HYPK: variants seen among roughly 807,000 people sequenced by gnomAD.
HYPK encodes huntingtin-interacting protein K.
Under a neutral mutation model 13.9 loss-of-function variants are expected in HYPK, and 9 were observed. The ratio of observed to expected loss-of-function variants is 0.65; its 90% confidence interval spans 0.39 to 1.13. HYPK has a LOEUF of 1.13. Ranked by LOEUF, HYPK falls within the 50% of genes most tolerant of loss-of-function variation. The probability of loss-of-function intolerance (pLI) is 0.01; values close to 1 mark genes in which losing one functional copy is unlikely to be tolerated. For missense variants in HYPK, 138 were observed against 157.6 expected, an observed-to-expected ratio of 0.88 and a Z score of 0.67; for synonymous variants, 76 against 57.0, an observed-to-expected ratio of 1.33 and a Z score of -1.50.
chr15:43,800,886 G>C (rs2087304825), intron 1 of HYPK, 102 bp downstream of exon 1: 1 of 1,151,606 alleles, frequency 8.7e-7, no homozygotes, highest in Non-Finnish European at 1.2e-6. Context: ...TGATCCCGTT[G>C]GCAGGAGGAG....
chr15:43,800,994 A>G lies in HYPK; in HGVS notation c.163-138A>G, dbSNP rs139935144. On this transcript the variant is annotated intron_variant, in intron 1 of 3. Transcript: ENST00000442995. ...CTTAAGGGGACCTCAGGTGCATAGA[A>G]TGGAATTAAACATAGTCCTTGCTAC... The G allele has an allele frequency of 1.6e-4, 142 of 883,266 alleles. No individual in the cohort carries two copies. The African/African-American group carries it at 2.3e-3, about 14-fold the overall frequency. 54.7% of individuals were successfully genotyped at this position (883,266 alleles called of 1,614,324 possible). A position where few individuals can be genotyped will look rare whatever the true frequency, so the allele number is the denominator to read the frequency against.
At position 43,801,139 on chromosome 15, in the gene HYPK, CTG is replaced by C. The variant is rs1399500990; in HGVS notation, c.173_174del (p.Val58AspfsTer35). 6.2e-7 allele frequency: 1 copy of C among 1,613,770 alleles called. No individual in the cohort carries two copies. The highest frequency in any genetic ancestry group is 2.2e-5 in the East Asian group (1 of 44,890). ...GACCTGCCTTTCCCATAGGCCATGT[CTG>C]TGATTGGAGACAGAAGGTCCCGGGA... On this transcript the variant is annotated frameshift_variant, in exon 2 of 4. Transcript: ENST00000442995. LOFTEE classifies it high-confidence loss of function.
Position 43,801,879 on chromosome 15 carries a change from A to G in HYPK, c.*73A>G. The G allele has an allele frequency of 8.0e-7, 1 of 1,255,822 alleles. No individual in the cohort carries two copies. Among genetic ancestry groups the G allele is most frequent in the Non-Finnish European group, 1.2e-6 (1 of 861,476 alleles). 77.8% of individuals were successfully genotyped at this position (1,255,822 alleles called of 1,614,324 possible). On this transcript the variant is annotated 3_prime_UTR_variant, in exon 4 of 4. Coordinates refer to ENST00000442995, the MANE Select transcript of HYPK (RefSeq NM_016400.4). Reference sequence around the variant, plus strand: ...ATTTTTTTTTGTCTTTTTCAGTTTTATCATCTTGGGTCAAGTAGAGTGTAT... The same window carrying G: ...ATTTTTTTTTGTCTTTTTCAGTTTTGTCATCTTGGGTCAAGTAGAGTGTAT...
rs939761992 is a variant in HYPK at position 43,802,410 on chromosome 15, A to T, written c.*604A>T. On this transcript the variant is annotated 3_prime_UTR_variant, in exon 4 of 4. Coordinates refer to ENST00000442995, the MANE Select transcript of HYPK (RefSeq NM_016400.4). Reference sequence around the variant, plus strand: ...GAAACCCCGTCTCCACTGAAAATAGAAAAATTAGCTGGGCATGGTGGTGGG... The same window carrying T: ...GAAACCCCGTCTCCACTGAAAATAGTAAAATTAGCTGGGCATGGTGGTGGG... 6.6e-6 allele frequency: 1 copy of T among 152,270 alleles called. No homozygotes were observed. Among genetic ancestry groups the T allele is most frequent in the African/African-American group, 2.4e-5 (1 of 41,210 alleles). 9.4% of individuals were successfully genotyped at this position (152,270 alleles called of 1,614,324 possible).
rs1248779161 is a variant in HYPK, at chr15:43,803,257, T to C, written c.*1451T>C. Among the ~76,000 whole-genome samples, 1 of 148,480 alleles carries C rather than the reference T, an allele frequency of 6.7e-6. No individual in the cohort carries two copies. The highest frequency in any genetic ancestry group is 1.5e-5 in the Non-Finnish European group (1 of 67,344). On this transcript the variant is annotated 3_prime_UTR_variant, in exon 4 of 4. Transcript: ENST00000442995. ...TAAAAAAAAAAAAAGCCAGGCATGG[T>C]GGCATGTGCCTGTCTGTGGTCCCAG...
Position 43,803,503 on chromosome 15 carries a change from A to G in HYPK, c.*1697A>G, listed in dbSNP as rs2087340284. Among the ~76,000 whole-genome samples, 1 of 152,066 alleles carries G rather than the reference A, an allele frequency of 6.6e-6. No individual in the cohort carries two copies. The highest frequency in any genetic ancestry group is 2.4e-5 in the African/African-American group (1 of 41,410). On this transcript the variant is annotated 3_prime_UTR_variant, in exon 4 of 4. Coordinates refer to ENST00000442995, the MANE Select transcript of HYPK (RefSeq NM_016400.4). ...GAAGGTAATTTTACTTTAAAGGTTA[A>G]TCAGGGCCGGGCGTGGTGGCGCATG...
At chr15:43,800,994 A>C in intron 1 of HYPK, 138 bp from the exon 2 acceptor site, 9 of 883,266 alleles carry the variant, frequency 1.0e-5, no homozygotes, top group Non-Finnish European at 1.7e-5. Flanking sequence ...GGTGCATAGA[A>C]TGGAATTAAA....
At position 43,803,735 on chromosome 15, in the gene HYPK, C is replaced by G. The variant is rs1297048209; in HGVS notation, c.*1929C>G. ...CTTGAACCCAGGAGGTTGCAGTGAG[C>G]AGAGATCGCGCCACTGCACTCCAGA... On this transcript the variant is annotated 3_prime_UTR_variant, in exon 4 of 4. Coordinates refer to ENST00000442995, the MANE Select transcript of HYPK (RefSeq NM_016400.4). Among the ~76,000 whole-genome samples, 1 of 143,642 alleles carries G rather than the reference C, an allele frequency of 7.0e-6. No individual in the cohort carries two copies. Among genetic ancestry groups the G allele is most frequent in the African/African-American group, 2.6e-5 (1 of 38,196 alleles). 94.2% of individuals were successfully genotyped at this position (143,642 alleles called of 152,430 possible).
chr15:43,803,788 CAAAAAAA>C lies in HYPK; in HGVS notation c.*1996_*2002del, dbSNP rs35814039. On this transcript the variant is annotated 3_prime_UTR_variant, in exon 4 of 4. Transcript: ENST00000442995. ...GGGCAACAAGAGTGAAACTCCATCT[CAAAAAAA>C]AAAAAAAAAAAAATCAGCTTGGACC... is the stretch of plus-strand genomic sequence containing the variant. Among the ~76,000 whole-genome samples the C allele has an allele frequency of 9.8e-6, 1 of 102,382 alleles. No homozygotes were observed. Among genetic ancestry groups the C allele is most frequent in the Admixed American group, 1.0e-4 (1 of 9,526 alleles). The allele number at this position is 102,382 out of a possible 152,430, so 67.2% of individuals were successfully genotyped here.
rs1596052065 is a variant in HYPK at position 43,801,908 on chromosome 15, A to G, written c.*102A>G. Reference sequence around the variant, plus strand: ...TCTTGGGTCAAGTAGAGTGTATACTATATCCTATGTTGTGGAGAATTTATA... The same window carrying G: ...TCTTGGGTCAAGTAGAGTGTATACTGTATCCTATGTTGTGGAGAATTTATA... On this transcript the variant is annotated 3_prime_UTR_variant, in exon 4 of 4. Coordinates refer to ENST00000442995, the MANE Select transcript of HYPK (RefSeq NM_016400.4). 4.6e-6 allele frequency: 4 copies of G among 876,736 alleles called. No homozygotes were observed. Among genetic ancestry groups the G allele is most frequent in the East Asian group, 2.5e-5 (1 of 39,918 alleles). 54.3% of individuals were successfully genotyped at this position (876,736 alleles called of 1,614,324 possible).
Position 43,800,601 on chromosome 15 carries a change from G to A in HYPK, c.-22G>A, listed in dbSNP as rs1291577572. The A allele has an allele frequency of 2.5e-6, 4 of 1,613,786 alleles. No homozygotes were observed. The highest frequency in any genetic ancestry group is 1.1e-5 in the South Asian group (1 of 90,990). Reference sequence around the variant, plus strand: ...GAAGTCGGCGTGAGGTGGGGCTTATGCGGCGGCGTGGTGAAATAGATATGG... The same window carrying A: ...GAAGTCGGCGTGAGGTGGGGCTTATACGGCGGCGTGGTGAAATAGATATGG... On this transcript the variant is annotated 5_prime_UTR_variant, in exon 1 of 4. The change abolishes an upstream ATG in the 5' untranslated region. Coordinates refer to ENST00000442995, the MANE Select transcript of HYPK (RefSeq NM_016400.4).
At position 43,802,569 on chromosome 15, in the gene HYPK, CAAAAAAAAA is replaced by C. The variant is rs34069133; in HGVS notation, c.*777_*785del. 6.9e-5 allele frequency: 2 copies of C among 28,974 alleles called. No homozygotes were observed. The highest frequency in any genetic ancestry group is 1.2e-4 in the Non-Finnish European group (2 of 17,048). 1.8% of individuals were successfully genotyped at this position (28,974 alleles called of 1,614,324 possible). Reference sequence around the variant, plus strand: ...TGGGGGAAAGAGTGAAACTCCATCTCAAAAAAAAAAAAAAAAAAAAAAGCCCGGGCACAG... The same window carrying C: ...TGGGGGAAAGAGTGAAACTCCATCTCAAAAAAAAAAAAAGCCCGGGCACAG... On this transcript the variant is annotated 3_prime_UTR_variant, in exon 4 of 4. Transcript: ENST00000442995.
chr15:43,803,664 G>A lies in HYPK; in HGVS notation c.*1858G>A, dbSNP rs2087341646. On this transcript the variant is annotated 3_prime_UTR_variant, in exon 4 of 4. Coordinates refer to ENST00000442995, the MANE Select transcript of HYPK (RefSeq NM_016400.4). ...AAAAAATTAGCTGGGTGTGGTGGTG[G>A]ACGCCTGTAATTCCAGCTACTAGGG... 6.6e-6 allele frequency among the ~76,000 whole-genome samples: 1 copy of A among 151,720 alleles called. No individual in the cohort carries two copies. The highest frequency in any genetic ancestry group is 2.4e-5 in the African/African-American group (1 of 41,296).
intron 2 of HYPK, 125 bp downstream of exon 2, chr15:43,801,312 C>A: frequency 1.1e-6 from 1 of 947,036 alleles, no homozygotes; most frequent in Non-Finnish European, 1.7e-6. Context: ...CAGATCTAGG[C>A]GCCACAACTT....
rs2087326069 is a variant in HYPK, at chr15:43,802,251, T to A, written c.*445T>A. 1 of 158,050 alleles carries A rather than the reference T, an allele frequency of 6.3e-6. No individual in the cohort carries two copies. Among genetic ancestry groups the A allele is most frequent in the Non-Finnish European group, 1.4e-5 (1 of 71,342 alleles). 9.8% of individuals were successfully genotyped at this position (158,050 alleles called of 1,614,324 possible). A position where few individuals can be genotyped will look rare whatever the true frequency, so the allele number is the denominator to read the frequency against. ...AGTTAGAATTTTGGTACCTACAACA[T>A]GCTTGATTTTGAGTGATTAAAAAAA... On this transcript the variant is annotated 3_prime_UTR_variant, in exon 4 of 4. Transcript: ENST00000442995.
At position 43,800,733 on chromosome 15, in the gene HYPK, G is replaced by A; in HGVS notation, c.111G>A (p.Arg37=). ...KHDSGAADLE[R]VTDYAEEKEI... is the part of the protein sequence containing the mutation. ...ACAGCGGTGCGGCGGACTTGGAGCG[G>A]GTCACCGACTATGCAGAGGAGAAGG... Residue 37 remains arginine, a synonymous_variant, in exon 1 of 4, where the codon CGG becomes CGA. Coordinates refer to ENST00000442995, the MANE Select transcript of HYPK (RefSeq NM_016400.4). The A allele has an allele frequency of 6.2e-7, 1 of 1,613,902 alleles. No homozygotes were observed. Among genetic ancestry groups the A allele is most frequent in the Non-Finnish European group, 8.5e-7 (1 of 1,179,968 alleles).
rs772288289 is a variant in HYPK, at chr15:43,803,617, C to T, written c.*1811C>T. Among the ~76,000 whole-genome samples, 1 of 151,876 alleles carries T rather than the reference C, an allele frequency of 6.6e-6. No individual in the cohort carries two copies. Among genetic ancestry groups the T allele is most frequent in the African/African-American group, 2.4e-5 (1 of 41,340 alleles). On this transcript the variant is annotated 3_prime_UTR_variant, in exon 4 of 4. Coordinates refer to ENST00000442995, the MANE Select transcript of HYPK (RefSeq NM_016400.4). The stretch of plus-strand genomic sequence containing the variant: ...CGAGCCTGGCCAAAATGGTGAAACC[C>T]CATCTCTACTAAAAGTACAAAAAAA...
chr15:43,801,802 A>G lies in HYPK; in HGVS notation c.362A>G (p.Asn121Ser). Reference protein sequence around the residue: ...NVVEALIALTN With the variant: ...NVVEALIALTS The stretch of plus-strand genomic sequence containing the variant: ...GTAGAGGCGCTTATTGCCCTAACCA[A>G]CTGATGCGTGCTTTCTCAAATATAC... The change falls in exon 4 of 4, where the codon AAC becomes AGC. Residue 121 changes from asparagine to serine, a missense_variant. By Grantham distance (46) the Asn-to-Ser change is conservative. Coordinates refer to ENST00000442995, the MANE Select transcript of HYPK (RefSeq NM_016400.4). 1.2e-6 allele frequency: 2 copies of G among 1,613,992 alleles called. No individual in the cohort carries two copies. Among genetic ancestry groups the G allele is most frequent in the African/African-American group, 2.7e-5 (2 of 75,040 alleles).
intron 2 of HYPK, 116 bp downstream of exon 2, chr15:43,801,303 A>T: frequency 1.0e-6 from 1 of 994,316 alleles, no homozygotes; most frequent in African/African-American, 1.6e-5. Flanking sequence ...CAATTCCTGC[A>T]GATCTAGGCG....
Sources: allele counts gnomAD v4.1 joint callset (sites outside exome capture counted in the v4.1 genomes callset), GRCh38; gene constraint gnomAD v4.1.1; transcripts MANE v1.5; gene names NCBI Gene and HGNC (gene_info 2026-07-23, HGNC 2026-07-21).